SELENOF: variants seen among roughly 807,000 people sequenced by gnomAD.
The protein encoded by SELENOF is selenoprotein F.
A neutral mutation model predicts 20.5 loss-of-function variants in SELENOF; 16 were observed. The ratio of observed to expected loss-of-function variants is 0.78; its 90% CI spans 0.53 to 1.19. The LOEUF (loss-of-function observed/expected upper bound fraction) is 1.19. Ranked by LOEUF, SELENOF falls within the 50% of genes most tolerant of loss-of-function variation. The pLI is 0.00. For synonymous variants in SELENOF, 78 were observed against 74.5 expected (o/e 1.05, Z -0.24); for missense variants, 215 against 194.2 (o/e 1.11, Z -0.64).
chr1:86,863,412 T>C lies in SELENOF; in HGVS notation c.*62A>G. On this transcript the variant is annotated 3_prime_UTR_variant, in exon 5 of 5. Coordinates refer to ENST00000331835, the MANE Select transcript of SELENOF (RefSeq NM_004261.5). ...AAGCAAGCAAAACTAAATTATTTTC[T>C]AGGTGCTGTAATATTTCATTTGATA... 7.2e-7 allele frequency: 1 copy of C among 1,390,972 alleles called. No individual in the cohort carries two copies. The allele number at this position is 1,390,972 out of a possible 1,614,324, so 86.2% of individuals were successfully genotyped here.
intron 1 of SELENOF, among the ~76,000 whole-genome samples, chr1:86,905,171 T>C (rs1659798646): frequency 6.6e-6 from 1 of 152,188 alleles, no homozygotes; most frequent in Non-Finnish European, 1.5e-5. Flanking sequence ...CACTCCATAT[T>C]CTTCACCATT....
intron 3 of SELENOF, among the ~76,000 whole-genome samples, chr1:86,868,591 T>C (rs917615629): frequency 6.6e-6 from 1 of 152,080 alleles, no homozygotes; most frequent in Non-Finnish European, 1.5e-5. Flanking sequence ...AAAAGAGATA[T>C]ATGTTTGTCT....
intron 2 of SELENOF, among the ~76,000 whole-genome samples, chr1:86,889,394 G>A (rs994396967): frequency 2.6e-5 from 4 of 152,262 alleles, no homozygotes; most frequent in African/African-American, 9.6e-5. Flanking sequence ...AGGAGTTCAA[G>A]ACAAGCCTGG....
intron 1 of SELENOF, among the ~76,000 whole-genome samples, chr1:86,908,543 C>T (rs148311218): frequency 8.5e-4 from 129 of 152,242 alleles, no homozygotes; most frequent in African/African-American, 2.9e-3. Context: ...TCTCTATGCC[C>T]CTAACCACTG....
chr1:86,879,624 C>T (rs879429870), intron 3 of SELENOF, among the ~76,000 whole-genome samples: 3 of 151,842 alleles, frequency 2.0e-5, no homozygotes, highest in Admixed American at 6.6e-5. Context: ...CAGCAAAAAT[C>T]GAGGTAGAAT....
chr1:86,906,265 C>T (rs896677510), intron 1 of SELENOF, among the ~76,000 whole-genome samples: 4 of 152,156 alleles, frequency 2.6e-5, no homozygotes, highest in African/African-American at 9.7e-5. Flanking sequence ...GTAATTTCTC[C>T]ATCAGTAAAG....
chr1:86,872,807 C>G (rs1187424237), intron 3 of SELENOF, among the ~76,000 whole-genome samples: 1 of 151,962 alleles, frequency 6.6e-6, no homozygotes, highest in Non-Finnish European at 1.5e-5. Context: ...CTTTGGGAGG[C>G]CGAGGTGGGA....
chr1:86,865,358 G>C (rs955478243), intron 4 of SELENOF, among the ~76,000 whole-genome samples: 1 of 151,726 alleles, frequency 6.6e-6, no homozygotes, highest in Non-Finnish European at 1.5e-5. Context: ...CCAGAGAAGG[G>C]GAGAAAATAT....
intron 2 of SELENOF, among the ~76,000 whole-genome samples, chr1:86,887,870 T>C (rs528404934): frequency 6.6e-6 from 1 of 152,188 alleles, no homozygotes; most frequent in African/African-American, 2.4e-5. Flanking sequence ...CTGCCAATAC[T>C]TAGGAAATAT....
At chr1:86,913,922 G>A in intron 1 of SELENOF, 106 bp downstream of exon 1, 1 of 1,042,870 alleles carries the variant, frequency 9.6e-7, no homozygotes, top group Non-Finnish European at 1.5e-6. Context: ...CATTAAGGAA[G>A]CGCAGTCCTC....
intron 2 of SELENOF, among the ~76,000 whole-genome samples, chr1:86,891,053 CT>C (rs34603223): frequency 3.8e-3 from 527 of 139,574 alleles, no homozygotes; most frequent in Middle Eastern, 0.015. Flanking sequence ...CCTATTTTTT[CT>C]TTTTTTTTTT....
chr1:86,889,324 G>A (rs534264962), intron 2 of SELENOF, among the ~76,000 whole-genome samples: 30 of 152,200 alleles, frequency 2.0e-4, no homozygotes, highest in Non-Finnish European at 4.1e-4. Context: ...GGCTGGGCGC[G>A]GTGGCTCAGG....
intron 2 of SELENOF, among the ~76,000 whole-genome samples, chr1:86,900,731 G>A (rs952779533): frequency 2.6e-5 from 4 of 152,114 alleles, no homozygotes; most frequent in Non-Finnish European, 5.9e-5. Flanking sequence ...GTAGAGATGG[G>A]GTTTCACCAT....
intron 2 of SELENOF, among the ~76,000 whole-genome samples, chr1:86,886,318 T>C (rs1034828515): frequency 6.6e-6 from 1 of 152,144 alleles, no homozygotes. Flanking sequence ...GTTATATTAA[T>C]AGGGCAAAAA....
intron 2 of SELENOF, among the ~76,000 whole-genome samples, chr1:86,888,927 G>A (rs1010460792): frequency 6.6e-6 from 1 of 152,200 alleles, no homozygotes; most frequent in Non-Finnish European, 1.5e-5. Context: ...GATTACAGGC[G>A]TGCCTGGCCA....
At chr1:86,908,955 T>C (rs1659902910) in intron 1 of SELENOF, among the ~76,000 whole-genome samples, 1 of 152,246 alleles carries the variant, frequency 6.6e-6, no homozygotes, top group South Asian at 2.1e-4. Context: ...AATATGCAGT[T>C]ATTAACTTGA....
chr1:86,882,888 C>T lies in SELENOF; in HGVS notation c.253-2163G>A, dbSNP rs369601461. On this transcript the variant is annotated intron_variant, in intron 2 of 4. Coordinates refer to ENST00000331835, the MANE Select transcript of SELENOF (RefSeq NM_004261.5). ...CGCCTGTAATTCCAGCACTTTGGGA[C>T]GCCGAGGTGGGCGGATCATCTGAGG... Among the ~76,000 whole-genome samples, 7 of 152,172 alleles carry T rather than the reference C, an allele frequency of 4.6e-5. No individual in the cohort carries two copies. In the East Asian group the frequency reaches 5.8e-4, roughly 13 times the overall value.
At position 86,914,042 on chromosome 1, in the gene SELENOF, T is replaced by C; in HGVS notation, c.70A>G (p.Thr24Ala). 1 of 1,613,858 alleles carries C rather than the reference T, an allele frequency of 6.2e-7. No homozygotes were observed. The highest frequency in any genetic ancestry group is 1.1e-5 in the South Asian group (1 of 91,078). ...TCTACACTCACCGCTTGAAGCACAGTCGCCAACAACAACCGTAGCCCAAAC... is the reference window on the plus strand; with the variant it reads ...TCTACACTCACCGCTTGAAGCACAGCCGCCAACAACAACCGTAGCCCAAAC... ...PAFGLRLLLA[T>A]VLQAVSAFGA... The change falls in exon 1 of 5, where the codon ACT (threonine) becomes GCT (alanine). Residue 24 changes from threonine (T) to alanine (A), a missense_variant. Thr to Ala is a moderately conservative substitution (Grantham distance 58). Transcript: ENST00000331835.
intron 2 of SELENOF, among the ~76,000 whole-genome samples, chr1:86,902,896 C>G (rs1276207806): frequency 6.6e-6 from 1 of 152,150 alleles, no homozygotes; most frequent in Non-Finnish European, 1.5e-5. Flanking sequence ...CAATTAAGTG[C>G]CAGGTATTAT....
Sources: allele counts gnomAD v4.1 joint callset (sites outside exome capture counted in the v4.1 genomes callset), GRCh38; gene constraint gnomAD v4.1.1; transcripts MANE v1.5; gene names NCBI Gene and HGNC (gene_info 2026-07-23, HGNC 2026-07-21).